The following GRTP1 variants were observed in gnomAD, a reference collection of about 807,000 sequenced individuals.
The protein encoded by GRTP1 is growth hormone-regulated TBC protein 1.
A neutral mutation model predicts 38.1 loss-of-function variants in GRTP1; 56 were observed. That is an observed-to-expected ratio of 1.47 (90% CI 1.19 to 1.84). GRTP1 has a LOEUF of 1.84. Ranked by LOEUF, GRTP1 falls within the 40% of genes most tolerant of loss-of-function variation. The pLI is 0.00. For missense variants in GRTP1, 506 were observed against 453.9 expected (o/e 1.11, Z -1.04); for synonymous variants, 217 against 189.5 (o/e 1.14, Z -1.19).
At chr13:113,332,663 C>T (rs1017108368) in intron 5 of GRTP1, among the ~76,000 whole-genome samples, 1 of 152,240 alleles carries the variant, frequency 6.6e-6, no homozygotes. Context: ...AGGAATCCAC[C>T]CAAGAACAAG....
intron 2 of GRTP1, among the ~76,000 whole-genome samples, chr13:113,363,496 C>T (rs1430170132): frequency 2.0e-5 from 3 of 152,208 alleles, no homozygotes; most frequent in South Asian, 4.1e-4. Flanking sequence ...TGAGCCACCG[C>T]GCCCGGCATG....
chr13:113,326,015 C>G lies in GRTP1; in HGVS notation c.639G>C (p.Pro213=). The change falls in exon 6 of 8, where the codon CCG becomes CCC. Residue 213 remains proline (P), a synonymous_variant. Transcript: ENST00000375431. ...VLGELVRAKL[P]AVGALMERLG... is the part of the protein sequence containing the mutation. Reference sequence around the variant, plus strand: ...GACGCTCCATCAGGGCCCCCACAGCCGGCAGCTTCGCCCGCACCAGCTCCC... The same window carrying G: ...GACGCTCCATCAGGGCCCCCACAGCGGGCAGCTTCGCCCGCACCAGCTCCC... The G allele has an allele frequency of 6.2e-7, 1 of 1,613,714 alleles. No homozygotes were observed. Among genetic ancestry groups the G allele is most frequent in the Non-Finnish European group, 8.5e-7 (1 of 1,179,958 alleles).
chr13:113,341,411 C>G (rs1471416327), intron 5 of GRTP1, among the ~76,000 whole-genome samples: 1 of 152,142 alleles, frequency 6.6e-6, no homozygotes, highest in African/African-American at 2.4e-5. Context: ...GGACTACAGG[C>G]ACCCGCCACC....
chr13:113,328,183 C>CT (rs1310597997), intron 5 of GRTP1, among the ~76,000 whole-genome samples: 1 of 152,204 alleles, frequency 6.6e-6, no homozygotes, highest in Non-Finnish European at 1.5e-5. Flanking sequence ...CTCCTTGTCC[C>CT]TGTCCTTCTG....
intron 3 of GRTP1, among the ~76,000 whole-genome samples, chr13:113,354,663 G>C (rs1354254485): frequency 2.0e-5 from 3 of 151,988 alleles, no homozygotes; most frequent in African/African-American, 7.3e-5. Context: ...CGAGTAGCTG[G>C]GATTACAGGC....
At chr13:113,345,565 CTTCT>C (rs1408807673) in intron 4 of GRTP1, among the ~76,000 whole-genome samples, 2 of 152,248 alleles carry the variant, frequency 1.3e-5, no homozygotes, top group Admixed American at 6.5e-5. Flanking sequence ...CTGAAATTCT[CTTCT>C]TTGTCACTCA....
chr13:113,340,872 G>A (rs1027879071), intron 5 of GRTP1, among the ~76,000 whole-genome samples: 2 of 152,096 alleles, frequency 1.3e-5, no homozygotes, highest in African/African-American at 4.8e-5. Flanking sequence ...AAAACCCAGT[G>A]TGTCCATGCA....
At chr13:113,326,233 G>A in intron 5 of GRTP1, 142 bp from the exon 6 acceptor site, 1 of 1,001,524 alleles carries the variant, frequency 1.0e-6, no homozygotes. Context: ...GAGAGGAAGA[G>A]TCGGGGTGAG....
chr13:113,336,750 GAC>G (rs2042961150), intron 5 of GRTP1, among the ~76,000 whole-genome samples: 2 of 8,430 alleles, frequency 2.4e-4, no homozygotes, highest in Non-Finnish European at 5.1e-4. Flanking sequence ...CATCCCTCCA[GAC>G]AGCGGACGCA....
intron 5 of GRTP1, among the ~76,000 whole-genome samples, chr13:113,338,575 G>C (rs1042177254): frequency 2.6e-5 from 4 of 152,146 alleles, no homozygotes; most frequent in Non-Finnish European, 5.9e-5. Flanking sequence ...CTGGCGGACT[G>C]TGTATGAGCT....
intron 3 of GRTP1, among the ~76,000 whole-genome samples, chr13:113,351,213 C>T (rs181910558): frequency 7.1e-4 from 108 of 152,218 alleles, no homozygotes; most frequent in African/African-American, 1.9e-3. Flanking sequence ...GAGTCAGGGA[C>T]AGCAGAGCGA....
chr13:113,327,597 A>G (rs917738118), intron 5 of GRTP1, among the ~76,000 whole-genome samples: 2 of 152,236 alleles, frequency 1.3e-5, no homozygotes, highest in Non-Finnish European at 2.9e-5. Flanking sequence ...AATAGTAAAT[A>G]CTAACGCCTC....
In GRTP1 at chr13:113,346,133, C is replaced by A. The variant is rs1290690790; in HGVS notation, c.466-1174G>T. Among the ~76,000 whole-genome samples, 46 of 43,470 alleles carry A rather than the reference C, an allele frequency of 1.1e-3. 1 individual carries two copies. The highest frequency in any genetic ancestry group is 5.1e-3 in the African/African-American group (41 of 8,020). 28.5% of individuals were successfully genotyped at this position (43,470 alleles called of 152,430 possible). A position where few individuals can be genotyped will look rare whatever the true frequency, so the allele number is the denominator to read the frequency against. The stretch of plus-strand genomic sequence containing the variant: ...ACAGACCCGGGAGGACCTCTGTGGA[C>A]AAGAGCAGACCCGGGAGGACCTCTG... On this transcript the variant is annotated intron_variant, in intron 4 of 7. Transcript: ENST00000375431.
intron 4 of GRTP1, 110 bp downstream of exon 4, chr13:113,350,739 A>C: frequency 1.9e-6 from 2 of 1,056,044 alleles, no homozygotes; most frequent in Non-Finnish European, 1.3e-6. Flanking sequence ...AGGACGTGGA[A>C]TTCATGAACA....
chr13:113,328,858 C>T (rs1411750094), intron 5 of GRTP1, among the ~76,000 whole-genome samples: 1 of 152,190 alleles, frequency 6.6e-6, no homozygotes, highest in African/African-American at 2.4e-5. Flanking sequence ...CCCTGAAATC[C>T]ACATCTCAAA....
intron 2 of GRTP1, among the ~76,000 whole-genome samples, chr13:113,362,050 G>A (rs1020113123): frequency 6.6e-6 from 1 of 152,198 alleles, no homozygotes; most frequent in Non-Finnish European, 1.5e-5. Context: ...TTGGGAGGCT[G>A]AGGCAGGAAA....
At chr13:113,329,987 G>A (rs573929740) in intron 5 of GRTP1, among the ~76,000 whole-genome samples, 1 of 152,268 alleles carries the variant, frequency 6.6e-6, no homozygotes, top group South Asian at 2.1e-4. Context: ...GTGTGTGCAT[G>A]GGAGCCCGGG....
At chr13:113,347,317 TG>T (rs2043165704) in intron 4 of GRTP1, among the ~76,000 whole-genome samples, 2 of 82,224 alleles carry the variant, frequency 2.4e-5, no homozygotes, top group African/African-American at 6.1e-5. Context: ...AGGACCTCTG[TG>T]GCAGAGAGCA....
chr13:113,347,185 CA>C lies in GRTP1; in HGVS notation c.466-2227del, dbSNP rs2043159641. Among the ~76,000 whole-genome samples, 2 of 89,602 alleles carry C rather than the reference CA, an allele frequency of 2.2e-5. 1 individual carries two copies. The highest frequency in any genetic ancestry group is 2.3e-4 in the Admixed American group (2 of 8,780). 58.8% of individuals were successfully genotyped at this position (89,602 alleles called of 152,430 possible). A position where few individuals can be genotyped will look rare whatever the true frequency, so the allele number is the denominator to read the frequency against. ...GGACCTCTGTGGCAGAGAGCAGACC[CA>C]GGAGGACCTCTGTGGCCGAGAGCAG... On this transcript the variant is annotated intron_variant, in intron 4 of 7. Transcript: ENST00000375431.
Sources: gnomAD v4.1 joint callset for allele counts (sites outside exome capture counted in the v4.1 genomes callset) on GRCh38, gnomAD v4.1.1 for gene constraint, MANE v1.5 for transcripts, NCBI Gene and HGNC (gene_info 2026-07-23, HGNC 2026-07-21) for gene names.